The following PC variants were observed in gnomAD, a reference collection of about 807,000 sequenced individuals.
The protein encoded by PC is pyruvate carboxylase.
In PC, 46 loss-of-function variants were observed where a neutral mutation model predicts 107.8. The observed-to-expected ratio is 0.43, with a 90% confidence interval of 0.34 to 0.55. The LOEUF is 0.55. Among genes scored for constraint, PC ranks in the 20% least tolerant of loss-of-function variants. The pLI is 0.04. For missense variants in PC, 1,241 were observed against 1,643.1 expected (o/e 0.76, Z 4.23); for synonymous variants, 662 against 684.7 (o/e 0.97, Z 0.52).
At chr11:66,942,332 G>A (rs1296509809) in intron 3 of PC, among the ~76,000 whole-genome samples, 1 of 147,368 alleles carries the variant, frequency 6.8e-6, no homozygotes, top group Non-Finnish European at 1.5e-5. Context: ...CCCGGGAGGT[G>A]GAGCTTGCAG....
chr11:66,868,114 T>A (rs1235719226), intron 10 of PC, among the ~76,000 whole-genome samples: 1 of 152,262 alleles, frequency 6.6e-6, no homozygotes, highest in East Asian at 1.9e-4. Context: ...TCTAGAGGGC[T>A]GTTCCGAGGG....
In PC at chr11:66,870,339, G is replaced by A; in HGVS notation, c.866C>T (p.Thr289Ile). 1 of 1,613,594 alleles carries A rather than the reference G, an allele frequency of 6.2e-7. No homozygotes were observed. Among genetic ancestry groups the A allele is most frequent in the South Asian group, 1.1e-5 (1 of 91,074 alleles). ...TTTCACAGAGTCGCTGGTGAGCCGAGTCCGAAGCTGCGGGTCCAGGTGGGC... is the reference window on the plus strand; with the variant it reads ...TTTCACAGAGTCGCTGGTGAGCCGAATCCGAAGCTGCGGGTCCAGGTGGGC... ...PAAHLDPQLR[T>I]RLTSDSVKLA... is the part of the protein sequence containing the mutation. Residue 289 changes from threonine (T) to isoleucine (I), a missense_variant, in exon 9 of 23, where the codon ACT becomes ATT. Transcript: ENST00000393960. This position sits in a 1 kb window ranked among gnomAD's most constrained non-coding sequence, Gnocchi z 6.1.
chr11:66,850,878 T>A lies in PC; in HGVS notation c.2269A>T (p.Ser757Cys). The change falls in exon 18 of 23, where the codon AGC becomes TGC. Residue 757 changes from serine (S) to cysteine (C), a missense_variant. Physicochemically the swap from Ser to Cys is moderately radical, Grantham distance 112 (BLOSUM62 -1). This residue lies in a region of PC where 1,143 missense variants were observed against 1,551.9 expected (regional missense o/e 0.74). Transcript: ENST00000393960. ...LKPTACTMLV[S>C]SLRDRFPDLP... ...TCGGGGAAGCGGTCCCGGAGGGAGC[T>A]GACCAGCATGGTGCAGGCCGTGGGC... 3 of 1,611,066 alleles carry A rather than the reference T, an allele frequency of 1.9e-6. No homozygotes were observed. The highest frequency in any genetic ancestry group is 2.5e-6 in the Non-Finnish European group (3 of 1,179,978).
At chr11:66,923,139 G>A (rs1948633369) in intron 3 of PC, among the ~76,000 whole-genome samples, 1 of 152,054 alleles carries the variant, frequency 6.6e-6, no homozygotes, top group Admixed American at 6.5e-5. Context: ...GGCTGAGGCG[G>A]GTGGATCACG....
chr11:66,859,485 A>C, intron 12 of PC: 1 of 1,439,136 alleles, frequency 6.9e-7, no homozygotes, highest in Non-Finnish European at 9.2e-7. Context: ...TCTCCTGGCC[A>C]CACTCTCCAG....
intron 3 of PC, among the ~76,000 whole-genome samples, chr11:66,939,622 C>G (rs772293019): frequency 6.6e-6 from 1 of 151,804 alleles, no homozygotes; most frequent in Non-Finnish European, 1.5e-5. Flanking sequence ...CTGACCAATA[C>G]GGAGAAACCC....
chr11:66,928,279 T>C (rs1473140169), intron 3 of PC, among the ~76,000 whole-genome samples: 1 of 149,704 alleles, frequency 6.7e-6, no homozygotes, highest in Non-Finnish European at 1.5e-5. Context: ...CCCAGCTACC[T>C]GGGAGGCTGA....
chr11:66,859,362 G>C (rs530571746), intron 12 of PC, among the ~76,000 whole-genome samples: 3 of 152,126 alleles, frequency 2.0e-5, no homozygotes, highest in Admixed American at 1.3e-4. Flanking sequence ...GTGGCGGTTG[G>C]GTCTGTCTGA....
chr11:66,892,250 C>T (rs1361041660), intron 3 of PC, among the ~76,000 whole-genome samples: 1 of 152,158 alleles, frequency 6.6e-6, no homozygotes, highest in African/African-American at 2.4e-5. Context: ...GACCAGAGTG[C>T]CTAAGAGTTC....
chr11:66,877,375 G>T (rs1947020960), intron 3 of PC, among the ~76,000 whole-genome samples: 1 of 152,048 alleles, frequency 6.6e-6, no homozygotes, highest in African/African-American at 2.4e-5. Flanking sequence ...GATAGAGCGA[G>T]ACTCCATCTC....
chr11:66,856,470 C>T (rs1237045681), intron 12 of PC, among the ~76,000 whole-genome samples: 3 of 152,026 alleles, frequency 2.0e-5, no homozygotes, highest in Admixed American at 6.5e-5. Flanking sequence ...GGCCCCACCC[C>T]GCAGCAGCCC....
chr11:66,856,863 G>C (rs1285693323), intron 12 of PC: 3 of 149,540 alleles, frequency 2.0e-5, no homozygotes, highest in Non-Finnish European at 3.0e-5. Context: ...GCCTGTGCCA[G>C]GGTGAGTGCG....
intron 3 of PC, among the ~76,000 whole-genome samples, chr11:66,923,505 TTTGTTTTTG>T (rs1268603244): frequency 1.3e-5 from 2 of 151,654 alleles, no homozygotes; most frequent in African/African-American, 2.4e-5. Context: ...AGGATTTGGG[TTTGTTTTTG>T]TTGTTTTTGT....
intron 3 of PC, among the ~76,000 whole-genome samples, chr11:66,930,927 C>T (rs1177452605): frequency 6.6e-6 from 1 of 151,914 alleles, no homozygotes; most frequent in Non-Finnish European, 1.5e-5. Context: ...TCCACATGGA[C>T]GAATCACAAA....
chr11:66,920,692 A>G (rs758596287), intron 3 of PC, among the ~76,000 whole-genome samples: 7 of 152,026 alleles, frequency 4.6e-5, no homozygotes, highest in Non-Finnish European at 1.0e-4. Flanking sequence ...CAGAACTCCA[A>G]CCTCCTCAGG....
intron 12 of PC, chr11:66,859,007 G>A (rs776142846): frequency 2.0e-6 from 3 of 1,526,044 alleles, no homozygotes; most frequent in African/African-American, 1.4e-5. Flanking sequence ...CAGGGCTGGT[G>A]AGCTGGGGTC....
At chr11:66,899,778 AT>A (rs1398691634) in intron 3 of PC, among the ~76,000 whole-genome samples, 2 of 152,140 alleles carry the variant, frequency 1.3e-5, no homozygotes, top group African/African-American at 4.8e-5. Context: ...CGTACAGTTC[AT>A]TTTCTTTTAT....
In PC at chr11:66,850,256, A is replaced by G. The variant is rs56705397; in HGVS notation, c.2682T>C (p.Tyr894=). Residue 894 remains tyrosine (Y), a synonymous_variant, in exon 19 of 23, where the codon TAT becomes TAC. Coordinates refer to ENST00000393960, the MANE Select transcript of PC (RefSeq NM_001040716.2). ...CGCCCAGCATCTGGTTGGCCTCCAC[A>G]TAGGCCTTCTTGACCTCCTTGAACT... The part of the protein sequence containing the change: ...GSKFKEVKKA[Y]VEANQMLGDL... 1,558 of 1,614,076 alleles carry G rather than the reference A, an allele frequency of 9.7e-4. 14 individuals carry two copies. In the African/African-American group the frequency reaches 0.019, roughly 19 times the overall value.
chr11:66,863,725 G>A, intron 12 of PC, 49 bp downstream of exon 12: 1 of 1,565,312 alleles, frequency 6.4e-7, no homozygotes, highest in Non-Finnish European at 8.7e-7. Flanking sequence ...CGGTCAGGGG[G>A]CCCTCCAAGG....
Sources: gnomAD v4.1 joint callset for allele counts (sites outside exome capture counted in the v4.1 genomes callset) on GRCh38, gnomAD v4.1.1 for gene constraint, gnomAD v4.1.1 regional missense constraint, Gnocchi (gnomAD v3.1) non-coding constraint, MANE v1.5 for transcripts, NCBI Gene and HGNC (gene_info 2026-07-23, HGNC 2026-07-21) for gene names.